SAMMSON: variants seen among roughly 807,000 people sequenced by gnomAD.
SAMMSON encodes the protein survival associated mitochondrial melanoma specific oncogenic non-coding RNA, also known as long intergenic non-protein coding RNA 1212.
At chr3:70,068,521 A>T (rs1264374824) in intron 3 of SAMMSON, 1 of 152,052 alleles carries the variant, frequency 6.6e-6, no homozygotes, top group Non-Finnish European at 1.5e-5. Context: ...CGCTTATGGG[A>T]GGTGGTGGGG....
chr3:70,106,690 T>C (rs369503255), intron 4 of SAMMSON, among the ~76,000 whole-genome samples: 1 of 152,124 alleles, frequency 6.6e-6, no homozygotes, highest in Admixed American at 6.6e-5. Flanking sequence ...TGACGGTCTC[T>C]GGACCACACA....
intron 7 of SAMMSON, among the ~76,000 whole-genome samples, chr3:70,353,263 A>G (rs910467311): frequency 1.3e-5 from 2 of 152,034 alleles, no homozygotes; most frequent in African/African-American, 4.8e-5. Flanking sequence ...AAAAGAAAAA[A>G]CTTTTCTCAT....
At chr3:70,347,650 C>G (rs910322411) in intron 7 of SAMMSON, among the ~76,000 whole-genome samples, 3 of 152,154 alleles carry the variant, frequency 2.0e-5, no homozygotes, top group African/African-American at 7.2e-5. Flanking sequence ...TGGATACAGA[C>G]AGCAGTGAAA....
intron 2 of SAMMSON, among the ~76,000 whole-genome samples, chr3:70,423,323 T>C (rs1267238966): frequency 6.6e-6 from 1 of 152,120 alleles, no homozygotes; most frequent in Non-Finnish European, 1.5e-5. Flanking sequence ...TCAGGTAAAA[T>C]GTTGTAAGAA....
chr3:70,135,208 A>T (rs984478142), intron 4 of SAMMSON, among the ~76,000 whole-genome samples: 2 of 152,136 alleles, frequency 1.3e-5, no homozygotes, highest in African/African-American at 4.8e-5. Context: ...TCAATATTTC[A>T]TAAGATTATA....
At chr3:70,031,373 C>T (rs1039586005) in intron 3 of SAMMSON, among the ~76,000 whole-genome samples, 8 of 151,648 alleles carry the variant, frequency 5.3e-5, no homozygotes, top group African/African-American at 1.9e-4. Flanking sequence ...TAGAGATTAC[C>T]AGGGTTTGGG....
At chr3:70,423,572 A>G (rs1701330211) in intron 2 of SAMMSON, among the ~76,000 whole-genome samples, 1 of 151,980 alleles carries the variant, frequency 6.6e-6, no homozygotes, top group Admixed American at 6.6e-5. Context: ...TCTCAGCTAT[A>G]AGTACCAGAA....
intron 4 of SAMMSON, among the ~76,000 whole-genome samples, chr3:70,079,042 A>G (rs2067258868): frequency 6.6e-6 from 1 of 152,194 alleles, no homozygotes; most frequent in Admixed American, 6.5e-5. Context: ...TGCACTGAAG[A>G]GCAGAATTGA....
intron 8 of SAMMSON, among the ~76,000 whole-genome samples, chr3:70,355,393 GA>G (rs568309799): frequency 8.2e-5 from 12 of 146,360 alleles, no homozygotes; most frequent in East Asian, 4.0e-4. Flanking sequence ...GTAGGCATAA[GA>G]AAAAAAAAAC....
intron 1 of SAMMSON, among the ~76,000 whole-genome samples, chr3:70,006,340 T>G (rs755172954): frequency 6.6e-6 from 1 of 152,170 alleles, no homozygotes; most frequent in Non-Finnish European, 1.5e-5. Context: ...AATAACCACA[T>G]CATAAGAAAG....
At chr3:70,049,838 T>C (rs1406929424) in intron 3 of SAMMSON, among the ~76,000 whole-genome samples, 4 of 152,038 alleles carry the variant, frequency 2.6e-5, no homozygotes, top group Non-Finnish European at 4.4e-5. Flanking sequence ...CTCATAGAAA[T>C]ATATATTACT....
At chr3:70,054,628 G>A (rs963624691) in intron 3 of SAMMSON, among the ~76,000 whole-genome samples, 69 of 152,192 alleles carry the variant, frequency 4.5e-4, no homozygotes, top group African/African-American at 1.5e-3. Context: ...CAAAGTTAAA[G>A]GATGAGTTTC....
At chr3:70,073,185 A>C (rs1360452468) in intron 4 of SAMMSON, among the ~76,000 whole-genome samples, 1 of 152,034 alleles carries the variant, frequency 6.6e-6, no homozygotes, top group African/African-American at 2.4e-5. Context: ...TGGCAACGGC[A>C]AGACAGTGCT....
chr3:70,000,833 T>G (rs1273876093), intron 1 of SAMMSON, among the ~76,000 whole-genome samples: 1 of 152,168 alleles, frequency 6.6e-6, no homozygotes. Context: ...TTAATATCAT[T>G]CAAATTATTT....
chr3:70,282,772 C>A (rs1189283269), intron 6 of SAMMSON, among the ~76,000 whole-genome samples: 2 of 152,126 alleles, frequency 1.3e-5, no homozygotes, highest in African/African-American at 4.8e-5. Context: ...CTTATTGCCT[C>A]CTATTCCTGA....
At chr3:70,242,951 A>T (rs1701676263) in intron 4 of SAMMSON, among the ~76,000 whole-genome samples, 1 of 152,070 alleles carries the variant, frequency 6.6e-6, no homozygotes, top group South Asian at 2.1e-4. Flanking sequence ...AAAAGACTTT[A>T]AAAAAATTGC....
At chr3:70,134,960 G>A (rs1034719253) in intron 4 of SAMMSON, among the ~76,000 whole-genome samples, 1 of 152,148 alleles carries the variant, frequency 6.6e-6, no homozygotes. Flanking sequence ...GCCATAAAAT[G>A]TAACTGTCAA....
At chr3:70,318,863 G>T (rs1702515493) in intron 7 of SAMMSON, among the ~76,000 whole-genome samples, 1 of 151,682 alleles carries the variant, frequency 6.6e-6, no homozygotes, top group South Asian at 2.1e-4. Context: ...CAGTCTTTTT[G>T]CTTAGTCTTA....
intron 4 of SAMMSON, chr3:70,196,849 C>T: frequency 2.5e-6 from 1 of 397,784 alleles, no homozygotes; most frequent in East Asian, 3.6e-5. Flanking sequence ...CATTTCAGCA[C>T]ATGGAAATCA....
Sources: gnomAD v4.1 joint callset for allele counts (sites outside exome capture counted in the v4.1 genomes callset) on GRCh38, gnomAD v4.1.1 for gene constraint, MANE v1.5 for transcripts, NCBI Gene and HGNC (gene_info 2026-07-23, HGNC 2026-07-21) for gene names.